SPECC1: variants seen among roughly 807,000 people sequenced by gnomAD.
SPECC1 encodes cytospin-B.
In SPECC1, 62 loss-of-function variants were observed where a neutral mutation model predicts 104.1. That is an observed-to-expected ratio of 0.60 (90% CI 0.49 to 0.74). SPECC1 has a LOEUF of 0.74. Ranked by LOEUF, SPECC1 falls within the 30% of genes least tolerant of loss-of-function variation. The probability of loss-of-function intolerance (pLI) is 0.00; values close to 1 mark genes in which losing one functional copy is unlikely to be tolerated. For synonymous variants in SPECC1, 513 were observed against 501.6 expected (o/e 1.02, Z -0.30); for missense variants, 1,306 against 1,310.5 (o/e 1.00, Z 0.05).
chr17:20,211,490 A>G (rs2703812), intron 4 of SPECC1, among the ~76,000 whole-genome samples: 64,630 of 152,202 alleles, frequency 0.42, 14,356 homozygotes, highest in East Asian at 0.8. Flanking sequence ...GAAAATTGCC[A>G]CAGGCCTCAG....
Position 20,317,133 on chromosome 17 carries a change from G to A in SPECC1, c.*3068G>A, listed in dbSNP as rs1567631573. 1 of 183,170 alleles carries A rather than the reference G, an allele frequency of 5.5e-6. No individual in the cohort carries two copies. The highest frequency in any genetic ancestry group is 2.0e-4 in the South Asian group (1 of 5,032). 11.3% of individuals were successfully genotyped at this position (183,170 alleles called of 1,614,324 possible). A position where few individuals can be genotyped will look rare whatever the true frequency, so the allele number is the denominator to read the frequency against. ...TCCTGTCCATAGAAATACACATGGT[G>A]GTCAGGCATGGTGGCTCATGCCTAT... On this transcript the variant is annotated 3_prime_UTR_variant, in exon 15 of 15. Transcript: ENST00000395527.
chr17:20,279,116 A>T (rs1489315199), intron 12 of SPECC1, among the ~76,000 whole-genome samples: 3 of 152,120 alleles, frequency 2.0e-5, no homozygotes, highest in African/African-American at 7.2e-5. Flanking sequence ...ATCCCCCAGG[A>T]CAGCATGTGA....
intron 1 of SPECC1, chr17:20,017,678 T>A (rs1249612891): frequency 6.6e-6 from 1 of 152,250 alleles, no homozygotes; most frequent in Non-Finnish European, 1.5e-5. Flanking sequence ...CAAATATGAA[T>A]CAGATTCTCC....
intron 7 of SPECC1, among the ~76,000 whole-genome samples, chr17:20,241,208 C>T (rs2039184973): frequency 6.6e-6 from 1 of 152,166 alleles, no homozygotes; most frequent in East Asian, 1.9e-4. Flanking sequence ...CACCTGTACC[C>T]AGTTTCTTCT....
intron 11 of SPECC1, among the ~76,000 whole-genome samples, 180 bp from the exon 12 acceptor site, chr17:20,260,011 AT>A (rs1203995946): frequency 6.6e-6 from 1 of 152,224 alleles, no homozygotes; most frequent in Non-Finnish European, 1.5e-5. Context: ...GCACAATTTA[AT>A]TTTTATTTTA....
chr17:20,231,617 A>T (rs1351155704), intron 5 of SPECC1, 141 bp from the exon 6 acceptor site: 1 of 717,844 alleles, frequency 1.4e-6, no homozygotes, highest in African/African-American at 1.8e-5. Flanking sequence ...TGAAATTGCT[A>T]AAAGTTGCAT....
At chr17:20,119,796 G>C (rs2013443) in intron 3 of SPECC1, among the ~76,000 whole-genome samples, 87,381 of 151,864 alleles carry the variant, frequency 0.58, 25,747 homozygotes, top group African/African-American at 0.64. Context: ...GCGTGAAAAC[G>C]AGGAAAATGA....
chr17:20,020,184 G>A (rs1335024839), intron 1 of SPECC1, among the ~76,000 whole-genome samples: 1 of 152,304 alleles, frequency 6.6e-6, no homozygotes, highest in East Asian at 1.9e-4. Context: ...AGTTCTGTCT[G>A]CAGCAGATGG....
chr17:20,164,773 A>G lies in SPECC1; in HGVS notation c.284-39560A>G, dbSNP rs367957961. 1.2e-4 allele frequency among the ~76,000 whole-genome samples: 18 copies of G among 152,272 alleles called. No individual in the cohort carries two copies. In the South Asian group the frequency reaches 3.1e-3, roughly 26 times the overall value. The stretch of plus-strand genomic sequence containing the variant: ...TCTGTAGCATGGACTTCAAAACTTG[A>G]AGAAAGAGGTGTCATAATACTCATG... On this transcript the variant is annotated intron_variant, in intron 3 of 14. Transcript: ENST00000395527.
At chr17:20,018,429 C>T (rs913512344) in intron 1 of SPECC1, among the ~76,000 whole-genome samples, 2 of 152,222 alleles carry the variant, frequency 1.3e-5, no homozygotes, top group Admixed American at 6.5e-5. Context: ...CTTGCTCTGT[C>T]TCCCAGGTTA....
intron 3 of SPECC1, among the ~76,000 whole-genome samples, chr17:20,147,081 A>ATT (rs71157859): frequency 0.017 from 2,172 of 125,668 alleles, 81 homozygotes; most frequent in African/African-American, 0.057. Flanking sequence ...ATGGATCGTG[A>ATT]TTTTTTTTTT....
At chr17:20,165,402 G>A (rs528725068) in intron 3 of SPECC1, among the ~76,000 whole-genome samples, 1 of 152,242 alleles carries the variant, frequency 6.6e-6, no homozygotes, top group South Asian at 2.1e-4. Flanking sequence ...CCTTTTTATG[G>A]CTGCATTCTG....
intron 12 of SPECC1, among the ~76,000 whole-genome samples, chr17:20,282,453 G>T (rs778828574): frequency 3.9e-5 from 6 of 152,198 alleles, no homozygotes; most frequent in Admixed American, 3.9e-4. Context: ...TTTAAAAAGT[G>T]AATTATTCCA....
chr17:20,288,894 C>T lies in SPECC1; in HGVS notation c.2941-8067C>T, dbSNP rs192375168. On this transcript the variant is annotated intron_variant, in intron 12 of 14. Transcript: ENST00000395527. ...CGCCCCCCCGGGTTCAAGTGATTCTCCTGCCTCAGCCTCCTGAGTAGCTGG... is the reference window on the plus strand; with the variant it reads ...CGCCCCCCCGGGTTCAAGTGATTCTTCTGCCTCAGCCTCCTGAGTAGCTGG... Among the ~76,000 whole-genome samples, 249 of 150,454 alleles carry T rather than the reference C, an allele frequency of 1.7e-3. 1 individual carries two copies. The highest frequency in any genetic ancestry group is 5.9e-3 in the African/African-American group (243 of 40,922).
At chr17:20,311,190 A>G (rs1172594421) in intron 14 of SPECC1, among the ~76,000 whole-genome samples, 2 of 151,410 alleles carry the variant, frequency 1.3e-5, no homozygotes, top group Non-Finnish European at 2.9e-5. Context: ...ATAGGACAGC[A>G]ATGGACTTTT....
intron 5 of SPECC1, among the ~76,000 whole-genome samples, chr17:20,229,169 T>G (rs1281646185): frequency 1.3e-5 from 2 of 152,190 alleles, no homozygotes; most frequent in Non-Finnish European, 2.9e-5. Context: ...ACAGTCTGCT[T>G]AATACCATGC....
At chr17:20,092,676 A>G (rs1037327202) in intron 1 of SPECC1, among the ~76,000 whole-genome samples, 2 of 152,204 alleles carry the variant, frequency 1.3e-5, no homozygotes, top group African/African-American at 4.8e-5. Context: ...GAACACCATC[A>G]ACAGTTTTTG....
At chr17:20,235,272 C>G (rs2038842588) in intron 7 of SPECC1, among the ~76,000 whole-genome samples, 1 of 152,168 alleles carries the variant, frequency 6.6e-6, no homozygotes, top group Admixed American at 6.5e-5. Flanking sequence ...GGAGCCTGCT[C>G]TTTCTCTTCC....
rs1257233057 is a variant in SPECC1, at chr17:20,318,729, C to T, written c.*4664C>T. 4.0e-5 allele frequency: 9 copies of T among 222,668 alleles called. No homozygotes were observed. Among genetic ancestry groups the T allele is most frequent in the Middle Eastern group, 1.4e-3 (1 of 720 alleles). 13.8% of individuals were successfully genotyped at this position (222,668 alleles called of 1,614,324 possible). On this transcript the variant is annotated 3_prime_UTR_variant, in exon 15 of 15. Coordinates refer to ENST00000395527, the MANE Select transcript of SPECC1 (RefSeq NM_001243439.2). Reference sequence around the variant, plus strand: ...CCTCACAGCCTTTTTAGAAGCATTTCGAATATCTACAGTTGCCTCAATTCA... The same window carrying T: ...CCTCACAGCCTTTTTAGAAGCATTTTGAATATCTACAGTTGCCTCAATTCA...
Sources: gnomAD v4.1 joint callset for allele counts (sites outside exome capture counted in the v4.1 genomes callset) on GRCh38, gnomAD v4.1.1 for gene constraint, MANE v1.5 for transcripts, NCBI Gene and HGNC (gene_info 2026-07-23, HGNC 2026-07-21) for gene names.